Variants in EIF4G3 observed in about 807,000 individuals in gnomAD.
EIF4G3 encodes the protein eukaryotic translation initiation factor 4 gamma 3.
Under a neutral mutation model 186.4 loss-of-function variants are expected in EIF4G3, and 34 were observed. The observed-to-expected ratio is 0.18, with a 90% CI of 0.14 to 0.24. EIF4G3 has a LOEUF of 0.24. EIF4G3 is among the 10% of genes least tolerant of loss of function. The pLI, the probability that EIF4G3 is intolerant of heterozygous loss-of-function variation, is 1.00. For missense variants in EIF4G3, 1,536 were observed against 1,948.5 expected (o/e 0.79, Z 3.99); for synonymous variants, 673 against 679.5 (o/e 0.99, Z 0.15).
chr1:21,090,911 T>C (rs769778895), intron 2 of EIF4G3, among the ~76,000 whole-genome samples: 1 of 152,056 alleles, frequency 6.6e-6, no homozygotes, highest in Non-Finnish European at 1.5e-5. Context: ...ATGCAAAGGG[T>C]CTTTTTCTAT....
At chr1:20,818,498 C>T (rs886666352) in intron 33 of EIF4G3, among the ~76,000 whole-genome samples, 1 of 151,988 alleles carries the variant, frequency 6.6e-6, no homozygotes, top group African/African-American at 2.4e-5. Flanking sequence ...CAAAATTAGC[C>T]AGGTGTTGTG....
chr1:20,874,531 T>C (rs756431944), intron 20 of EIF4G3, among the ~76,000 whole-genome samples: 1 of 152,222 alleles, frequency 6.6e-6, no homozygotes, highest in Non-Finnish European at 1.5e-5. Context: ...TGGATTTTCA[T>C]TTCTATGAAC....
At chr1:21,151,470 C>T (rs913781290) in intron 2 of EIF4G3, among the ~76,000 whole-genome samples, 3 of 151,796 alleles carry the variant, frequency 2.0e-5, no homozygotes, top group African/African-American at 7.3e-5. Context: ...GATCTCCTGA[C>T]CTCGTGATCC....
At chr1:20,886,633 A>G (rs1203175565) in intron 18 of EIF4G3, among the ~76,000 whole-genome samples, 1 of 152,224 alleles carries the variant, frequency 6.6e-6, no homozygotes, top group Non-Finnish European at 1.5e-5. Flanking sequence ...TTCTAATGAG[A>G]AAGACTAGTC....
At chr1:21,056,886 T>C (rs1480426551) in intron 3 of EIF4G3, among the ~76,000 whole-genome samples, 2 of 152,250 alleles carry the variant, frequency 1.3e-5, no homozygotes, top group Non-Finnish European at 2.9e-5. Context: ...TTTTCTATAA[T>C]ATTAATCCTA....
At chr1:21,006,102 C>T (rs1178538006) in intron 4 of EIF4G3, among the ~76,000 whole-genome samples, 1 of 152,174 alleles carries the variant, frequency 6.6e-6, no homozygotes, top group African/African-American at 2.4e-5. Context: ...TTTCCATTCT[C>T]TGTGGATGCC....
intron 14 of EIF4G3, among the ~76,000 whole-genome samples, chr1:20,928,550 G>A (rs2095088795): frequency 6.6e-6 from 1 of 151,760 alleles, no homozygotes; most frequent in Admixed American, 6.6e-5. Flanking sequence ...CTATAGGCGT[G>A]CACCACCATG....
intron 7 of EIF4G3, among the ~76,000 whole-genome samples, chr1:20,989,076 GGGAGGGGAGAGGAGAGGAGAGGAGA>G (rs2080325489): frequency 2.5e-5 from 1 of 39,516 alleles, no homozygotes; most frequent in Non-Finnish European, 6.3e-5. Context: ...GGGAGGGGAG[GGGAGGGGAGAGGAGAGGAGAGGAGA>G]GGAGAGATTT....
At chr1:20,918,672 GAA>G (rs1433303222) in intron 14 of EIF4G3, among the ~76,000 whole-genome samples, 23 of 141,304 alleles carry the variant, frequency 1.6e-4, no homozygotes, top group African/African-American at 5.8e-4. Context: ...TTCTTACCAC[GAA>G]AACTTTTAAA....
chr1:21,130,554 G>A (rs535297173), intron 2 of EIF4G3, among the ~76,000 whole-genome samples: 6 of 152,006 alleles, frequency 3.9e-5, no homozygotes, highest in Admixed American at 1.3e-4. Context: ...CACGGTAAAG[G>A]CCTGAAGGAA....
At chr1:21,028,546 G>A (rs1477641322) in intron 4 of EIF4G3, among the ~76,000 whole-genome samples, 1 of 152,224 alleles carries the variant, frequency 6.6e-6, no homozygotes, top group Non-Finnish European at 1.5e-5. Context: ...GACTTAAGGT[G>A]AGTGGTGGTT....
chr1:20,875,461 T>C (rs1371760303), intron 20 of EIF4G3, among the ~76,000 whole-genome samples: 1 of 152,248 alleles, frequency 6.6e-6, no homozygotes, highest in African/African-American at 2.4e-5. Flanking sequence ...ACAGTAATTT[T>C]GTGAGTCTTG....
At chr1:20,939,761 A>G (rs1289822378) in intron 14 of EIF4G3, among the ~76,000 whole-genome samples, 1 of 151,974 alleles carries the variant, frequency 6.6e-6, no homozygotes, top group Non-Finnish European at 1.5e-5. Context: ...TGAACATTGA[A>G]GTGTCAAACA....
chr1:20,897,774 T>G (rs1180749515), intron 16 of EIF4G3, among the ~76,000 whole-genome samples: 1 of 152,056 alleles, frequency 6.6e-6, no homozygotes, highest in Non-Finnish European at 1.5e-5. Context: ...ATGACTATTG[T>G]CTTTTTTCCA....
Position 20,826,481 on chromosome 1 carries a change from CTTTTTTTTTTT to C in EIF4G3, c.4269+1125_4269+1135del, listed in dbSNP as rs71014120. On this transcript the variant is annotated intron_variant, in intron 32 of 36. Transcript: ENST00000602326. ...TGTGCCAGCCAGAATGTGAGTCTTT[CTTTTTTTTTTT>C]TTTTTTTTTTTTTTTTGAGACAGAG... 1.9e-3 allele frequency among the ~76,000 whole-genome samples: 94 copies of C among 50,658 alleles called. 1 individual carries two copies. Among genetic ancestry groups the C allele is most frequent in the Middle Eastern group, 0.033 (1 of 30 alleles). 33.2% of individuals were successfully genotyped at this position (50,658 alleles called of 152,430 possible).
At chr1:21,113,592 G>A (rs1043097475) in intron 2 of EIF4G3, among the ~76,000 whole-genome samples, 3 of 151,940 alleles carry the variant, frequency 2.0e-5, no homozygotes, top group African/African-American at 4.8e-5. Context: ...AAATCAACTG[G>A]TCTATACTGC....
intron 3 of EIF4G3, among the ~76,000 whole-genome samples, chr1:21,066,583 C>T (rs928116408): frequency 6.6e-6 from 1 of 152,100 alleles, no homozygotes; most frequent in African/African-American, 2.4e-5. Context: ...TCTAATCCTT[C>T]ACAATTTCTT....
chr1:20,977,795 C>A (rs573820165), intron 10 of EIF4G3, among the ~76,000 whole-genome samples: 3 of 152,096 alleles, frequency 2.0e-5, no homozygotes, highest in Non-Finnish European at 4.4e-5. Context: ...ACATTCAAAT[C>A]TGCACATTAT....
At chr1:20,977,485 C>A (rs1164222254) in intron 10 of EIF4G3, among the ~76,000 whole-genome samples, 1 of 152,088 alleles carries the variant, frequency 6.6e-6, no homozygotes, top group Non-Finnish European at 1.5e-5. Context: ...CCACACCCGG[C>A]CTTTTTAAAT....
Sources: gnomAD v4.1 joint callset for allele counts (sites outside exome capture counted in the v4.1 genomes callset) on GRCh38, gnomAD v4.1.1 for gene constraint, MANE v1.5 for transcripts, NCBI Gene and HGNC (gene_info 2026-07-23, HGNC 2026-07-21) for gene names.